Variants in GRM7 observed in about 807,000 individuals in gnomAD.
GRM7 encodes glutamate metabotropic receptor 7.
A neutral mutation model predicts 84.5 loss-of-function variants in GRM7; 35 were observed. That is an observed-to-expected ratio of 0.41 (90% confidence interval 0.32 to 0.55). The LOEUF (loss-of-function observed/expected upper bound fraction) is 0.55, where lower values mean the gene tolerates loss of function less well. Ranked by LOEUF, GRM7 falls within the 20% of genes least tolerant of loss-of-function variation. The pLI, the probability that GRM7 is intolerant of heterozygous loss-of-function variation, is 0.19. For missense variants in GRM7, 1,003 were observed against 1,194.6 expected (o/e 0.84, Z 2.36); for synonymous variants, 487 against 455.1 (o/e 1.07, Z -0.89).
At chr3:7,209,960 G>T (rs1049807219) in intron 2 of GRM7, among the ~76,000 whole-genome samples, 2 of 152,164 alleles carry the variant, frequency 1.3e-5, no homozygotes, top group Admixed American at 6.6e-5. Context: ...AAAGACCCAA[G>T]CCGTAAAACA....
At chr3:7,303,645 C>T (rs1700086110) in intron 3 of GRM7, among the ~76,000 whole-genome samples, 1 of 151,948 alleles carries the variant, frequency 6.6e-6, no homozygotes, top group Non-Finnish European at 1.5e-5. Flanking sequence ...GTTAATATGA[C>T]AGTCTTCATA....
intron 1 of GRM7, among the ~76,000 whole-genome samples, chr3:7,107,993 G>C (rs1028763952): frequency 1.1e-4 from 16 of 152,120 alleles, no homozygotes; most frequent in Middle Eastern, 3.4e-3. Context: ...AGAGAGAGCA[G>C]CAGTTTGAGT....
intron 1 of GRM7, among the ~76,000 whole-genome samples, chr3:7,084,499 G>C (rs938193804): frequency 1.3e-5 from 2 of 152,156 alleles, no homozygotes; most frequent in African/African-American, 2.4e-5. Flanking sequence ...GGATTGACCA[G>C]TGGTTATGTG....
chr3:7,733,305 G>A (rs1302837277), intron 9 of GRM7, among the ~76,000 whole-genome samples: 1 of 152,146 alleles, frequency 6.6e-6, no homozygotes, highest in Non-Finnish European at 1.5e-5. Flanking sequence ...TTTATTAAGC[G>A]AAAGGAAAGC....
Position 7,347,589 on chromosome 3 carries a change from A to T in GRM7, c.1033+40937A>T, listed in dbSNP as rs190976153. Among the ~76,000 whole-genome samples, 3 of 152,272 alleles carry T rather than the reference A, an allele frequency of 2.0e-5. No homozygotes were observed. In the East Asian group the frequency reaches 5.8e-4, roughly 29 times the overall value. Reference sequence around the variant, plus strand: ...ACGACCACAGTATATTTTTGCCATAATTGTTTGGAGATCTGCAGTATCTCA... The same window carrying T: ...ACGACCACAGTATATTTTTGCCATATTTGTTTGGAGATCTGCAGTATCTCA... On this transcript the variant is annotated intron_variant, in intron 4 of 9. Transcript: ENST00000357716.
intron 1 of GRM7, among the ~76,000 whole-genome samples, chr3:6,979,925 C>A (rs1315648374): frequency 1.3e-5 from 2 of 152,076 alleles, no homozygotes; most frequent in East Asian, 3.9e-4. Context: ...ATGTGTATGT[C>A]ATTCTGTGAG....
intron 2 of GRM7, among the ~76,000 whole-genome samples, chr3:7,249,910 C>T (rs1206598538): frequency 6.6e-6 from 1 of 152,082 alleles, no homozygotes; most frequent in Non-Finnish European, 1.5e-5. Flanking sequence ...CCAGGTGATA[C>T]CAGGTCTGCA....
intron 1 of GRM7, among the ~76,000 whole-genome samples, chr3:6,979,363 C>T (rs1694112601): frequency 6.6e-6 from 1 of 152,124 alleles, no homozygotes; most frequent in African/African-American, 2.4e-5. Context: ...TAGGGGAGGA[C>T]ATTTGGTATC....
chr3:7,424,904 T>G (rs1240085994), intron 5 of GRM7, among the ~76,000 whole-genome samples: 1 of 152,206 alleles, frequency 6.6e-6, no homozygotes, highest in East Asian at 1.9e-4. Flanking sequence ...TCAGCAGAGA[T>G]GATCACAACA....
chr3:7,460,243 A>G (rs1317674452), intron 6 of GRM7, among the ~76,000 whole-genome samples: 1 of 150,768 alleles, frequency 6.6e-6, no homozygotes, highest in South Asian at 2.1e-4. Flanking sequence ...ATGATTTTTT[A>G]TAGTTTTTAT....
intron 4 of GRM7, among the ~76,000 whole-genome samples, chr3:7,376,821 G>T (rs1373044494): frequency 1.3e-5 from 2 of 152,148 alleles, no homozygotes; most frequent in Non-Finnish European, 2.9e-5. Flanking sequence ...AGGAGCGGGA[G>T]AATTCTTTGC....
intron 8 of GRM7, among the ~76,000 whole-genome samples, chr3:7,611,717 G>A (rs569735237): frequency 9.7e-4 from 147 of 152,172 alleles, no homozygotes; most frequent in African/African-American, 3.3e-3. Flanking sequence ...TAGAAATGCA[G>A]ACTTTCAGGC....
intron 1 of GRM7, among the ~76,000 whole-genome samples, chr3:6,989,192 C>T (rs1176495334): frequency 2.0e-5 from 3 of 152,132 alleles, no homozygotes; most frequent in Admixed American, 1.3e-4. Context: ...TTTTGATGTT[C>T]AAATAGCAGT....
chr3:7,497,671 A>G (rs1699753528), intron 7 of GRM7, among the ~76,000 whole-genome samples: 1 of 152,202 alleles, frequency 6.6e-6, no homozygotes, highest in Non-Finnish European at 1.5e-5. Context: ...CCTCATTTGT[A>G]TAATTAAATA....
chr3:7,102,777 A>G (rs993682675), intron 1 of GRM7, among the ~76,000 whole-genome samples: 3 of 151,610 alleles, frequency 2.0e-5, no homozygotes, highest in African/African-American at 7.3e-5. Context: ...AATAAAGTCT[A>G]TTTATCTGCT....
At chr3:6,969,494 T>C (rs1267686865) in intron 1 of GRM7, among the ~76,000 whole-genome samples, 1 of 152,200 alleles carries the variant, frequency 6.6e-6, no homozygotes, top group Non-Finnish European at 1.5e-5. Context: ...CTACTGATGC[T>C]CAGTTCACTG....
At chr3:7,677,262 TAAAA>T (rs557488794) in intron 8 of GRM7, among the ~76,000 whole-genome samples, 2 of 36,980 alleles carry the variant, frequency 5.4e-5, no homozygotes, top group Non-Finnish European at 6.4e-5. Context: ...ACTCTGTCTT[TAAAA>T]AAAAAAAAAA....
intron 4 of GRM7, among the ~76,000 whole-genome samples, chr3:7,397,170 G>A (rs144157555): frequency 1.2e-3 from 182 of 152,194 alleles, no homozygotes; most frequent in African/African-American, 4.3e-3. Flanking sequence ...AACAAAACAA[G>A]ATAAAGAAGA....
At chr3:6,976,838 T>G (rs567119422) in intron 1 of GRM7, among the ~76,000 whole-genome samples, 35 of 152,312 alleles carry the variant, frequency 2.3e-4, no homozygotes, top group African/African-American at 8.2e-4. Context: ...TAAAAAGATA[T>G]TCTTGACAGC....
Sources: allele counts gnomAD v4.1 joint callset (sites outside exome capture counted in the v4.1 genomes callset), GRCh38; gene constraint gnomAD v4.1.1; transcripts MANE v1.5; gene names NCBI Gene and HGNC (gene_info 2026-07-23, HGNC 2026-07-21).